PHACTR1: variants seen among roughly 807,000 people sequenced by gnomAD.
PHACTR1 encodes the protein RPEL repeat containing 1.
A neutral mutation model predicts 69.2 loss-of-function variants in PHACTR1; 16 were observed. That is an observed-to-expected ratio of 0.23 (90% CI 0.16 to 0.35). PHACTR1 has a LOEUF of 0.35. Ranked by LOEUF, PHACTR1 falls within the 10% of genes least tolerant of loss-of-function variation. The pLI is 1.00. For missense variants in PHACTR1, 510 were observed against 734.7 expected, an observed-to-expected ratio of 0.69 and a Z score of 3.54; for synonymous variants, 312 against 284.5, an observed-to-expected ratio of 1.10 and a Z score of -0.97.
intron 4 of PHACTR1, among the ~76,000 whole-genome samples, chr6:12,946,713 A>AAGAG (rs1790707623): frequency 6.6e-6 from 1 of 152,140 alleles, no homozygotes; most frequent in Non-Finnish European, 1.5e-5. Context: ...GTATTGCAGA[A>AAGAG]AGAGAGAAAA....
In PHACTR1 at chr6:13,182,526, A is replaced by T; in HGVS notation, c.504A>T (p.Glu168Asp). 6.2e-7 allele frequency: 1 copy of T among 1,613,672 alleles called. No individual in the cohort carries two copies. Among genetic ancestry groups the T allele is most frequent in the Non-Finnish European group, 8.5e-7 (1 of 1,179,704 alleles). Residue 168 changes from glutamate (E) to aspartate (D), a missense_variant, in exon 7 of 15, where the codon GAA becomes GAT. Physicochemically the swap from Glu to Asp is conservative, Grantham distance 45 (BLOSUM62 2). This residue lies in a region of PHACTR1 where 419 missense variants were observed against 530.9 expected (regional missense o/e 0.79). Coordinates refer to ENST00000332995, the MANE Select transcript of PHACTR1 (RefSeq NM_030948.6). ...VLKEIYDKDG[E>D]LSISNEEDSL... The stretch of plus-strand genomic sequence containing the variant: ...TCCTTTTCTCTCTGACAGATGGGGA[A>T]CTCTCTATATCCAATGAAGAGGACT...
At chr6:12,756,809 G>A (rs1767378373) in intron 4 of PHACTR1, among the ~76,000 whole-genome samples, 1 of 152,134 alleles carries the variant, frequency 6.6e-6, no homozygotes. Context: ...GGCCATTATT[G>A]CCAGATCTCT....
At chr6:13,022,393 G>A (rs553353485) in intron 4 of PHACTR1, among the ~76,000 whole-genome samples, 2 of 152,266 alleles carry the variant, frequency 1.3e-5, no homozygotes, top group African/African-American at 4.8e-5. Context: ...TGGCCCATGG[G>A]CCCTCTGCCT....
intron 4 of PHACTR1, among the ~76,000 whole-genome samples, chr6:12,812,166 C>T (rs1775085000): frequency 6.6e-6 from 1 of 152,168 alleles, no homozygotes; most frequent in Admixed American, 6.5e-5. Context: ...TGTTGTCCCT[C>T]ACCCCAGTCC....
chr6:13,199,668 A>C (rs1322969716), intron 7 of PHACTR1, among the ~76,000 whole-genome samples: 3 of 152,212 alleles, frequency 2.0e-5, no homozygotes, highest in Non-Finnish European at 2.9e-5. Context: ...TTATTGCTTG[A>C]CACAAAATTT....
chr6:13,134,563 T>A lies in PHACTR1; in HGVS notation c.416-25641T>A, dbSNP rs1441840697. 3.9e-5 allele frequency among the ~76,000 whole-genome samples: 6 copies of A among 152,078 alleles called. No homozygotes were observed. The East Asian group carries it at 5.8e-4, about 15-fold the overall frequency. The stretch of plus-strand genomic sequence containing the variant: ...TAAGTGGATTAAGGGCGGTGCAAGT[T>A]GTGCTTTGTTAAACAGATGCTTGAA... On this transcript the variant is annotated intron_variant, in intron 5 of 14. Transcript: ENST00000332995.
At chr6:12,975,756 T>C (rs891951443) in intron 4 of PHACTR1, among the ~76,000 whole-genome samples, 9 of 152,154 alleles carry the variant, frequency 5.9e-5, no homozygotes, top group Admixed American at 5.2e-4. Context: ...TATTTGTAAA[T>C]TTTTTTGTAG....
rs368118372 is a variant in PHACTR1, at chr6:13,227,938, T to C, written c.1109T>C (p.Ile370Thr). The C allele has an allele frequency of 8.1e-6, 13 of 1,613,984 alleles. No individual in the cohort carries two copies. The highest frequency in any genetic ancestry group is 1.0e-5 in the Non-Finnish European group (12 of 1,179,888). The stretch of plus-strand genomic sequence containing the variant: ...ATAAGACAAGTGCCAACTGTTGTGA[T>C]TGAATGTGATGACAATAAAGAAAAT... ...PEIRQVPTVV[I>T]ECDDNKENVP... Residue 370 changes from isoleucine (I) to threonine (T), a missense_variant, in exon 9 of 15, where the codon ATT becomes ACT. By Grantham distance (89) the Ile-to-Thr change is moderately conservative. Coordinates refer to ENST00000332995, the MANE Select transcript of PHACTR1 (RefSeq NM_030948.6).
intron 4 of PHACTR1, among the ~76,000 whole-genome samples, chr6:12,981,359 T>C (rs57109465): frequency 3.2e-3 from 481 of 152,348 alleles, no homozygotes; most frequent in African/African-American, 0.011. Flanking sequence ...AATGTCTTGT[T>C]ACTGATATGA....
intron 4 of PHACTR1, among the ~76,000 whole-genome samples, chr6:12,757,637 G>A (rs1436990895): frequency 6.6e-6 from 1 of 152,142 alleles, no homozygotes; most frequent in Non-Finnish European, 1.5e-5. Flanking sequence ...CAGCCAGTAT[G>A]CGTTCATGAT....
chr6:13,186,450 G>T (rs1318984000), intron 7 of PHACTR1, among the ~76,000 whole-genome samples: 1 of 152,096 alleles, frequency 6.6e-6, no homozygotes, highest in African/African-American at 2.4e-5. Context: ...TTGCTAAATC[G>T]CAACAGCAAA....
intron 4 of PHACTR1, among the ~76,000 whole-genome samples, chr6:12,855,783 C>A (rs1163859702): frequency 6.6e-6 from 1 of 151,844 alleles, no homozygotes; most frequent in Non-Finnish European, 1.5e-5. Context: ...CCATGTACCC[C>A]CGAATCTAAA....
intron 8 of PHACTR1, among the ~76,000 whole-genome samples, chr6:13,225,135 G>GA (rs1769385155): frequency 6.6e-6 from 1 of 152,164 alleles, no homozygotes; most frequent in Non-Finnish European, 1.5e-5. Context: ...AGTTACAAAA[G>GA]GGGTGGATTT....
chr6:12,963,405 A>G (rs1013296065), intron 4 of PHACTR1, among the ~76,000 whole-genome samples: 2 of 152,162 alleles, frequency 1.3e-5, no homozygotes, highest in African/African-American at 4.8e-5. Flanking sequence ...AGGAAAATGC[A>G]ACATAAAGGG....
At chr6:13,184,714 G>T in intron 7 of PHACTR1, 1 of 1,106,364 alleles carries the variant, frequency 9.0e-7, no homozygotes. Flanking sequence ...TTGCCAGCCC[G>T]AGTCCCTGTC....
chr6:12,860,414 G>A (rs887792324), intron 4 of PHACTR1, among the ~76,000 whole-genome samples: 4 of 152,066 alleles, frequency 2.6e-5, no homozygotes, highest in Non-Finnish European at 4.4e-5. Flanking sequence ...CATTTAGGTT[G>A]GTTCCAAGTC....
At chr6:13,115,718 T>G (rs1373960834) in intron 5 of PHACTR1, among the ~76,000 whole-genome samples, 1 of 152,128 alleles carries the variant, frequency 6.6e-6, no homozygotes, top group East Asian at 1.9e-4. Context: ...TATAAAGGGC[T>G]TGGGGCAGAT....
chr6:13,229,494 C>G (rs1022354552), intron 9 of PHACTR1, among the ~76,000 whole-genome samples: 12 of 152,144 alleles, frequency 7.9e-5, no homozygotes, highest in Non-Finnish European at 1.6e-4. Flanking sequence ...ACTCCCACCC[C>G]CAACCAGCCC....
intron 4 of PHACTR1, among the ~76,000 whole-genome samples, chr6:13,048,011 C>T (rs1805353175): frequency 6.6e-6 from 1 of 152,100 alleles, no homozygotes; most frequent in Non-Finnish European, 1.5e-5. Flanking sequence ...TAAAATCATG[C>T]ATACATCAAA....
Sources: gnomAD v4.1 joint callset for allele counts (sites outside exome capture counted in the v4.1 genomes callset) on GRCh38, gnomAD v4.1.1 for gene constraint, gnomAD v4.1.1 regional missense constraint, MANE v1.5 for transcripts, NCBI Gene and HGNC (gene_info 2026-07-23, HGNC 2026-07-21) for gene names.